The following LRRC4C variants were observed in gnomAD, a reference collection of about 807,000 sequenced individuals.
LRRC4C encodes the protein leucine-rich repeat-containing protein 4C.
Under a neutral mutation model 33.6 loss-of-function variants are expected in LRRC4C, and 5 were observed. The observed-to-expected ratio is 0.15, with a 90% confidence interval of 0.08 to 0.31. The LOEUF (loss-of-function observed/expected upper bound fraction) is 0.31. Among genes scored for constraint, LRRC4C ranks in the 10% least tolerant of loss-of-function variants. The probability of loss-of-function intolerance (pLI) is 1.00; values close to 1 mark genes in which losing one functional copy is unlikely to be tolerated. For missense variants in LRRC4C, 560 were observed against 796.7 expected, an observed-to-expected ratio of 0.70 and a Z score of 3.58; for synonymous variants, 329 against 302.0, an observed-to-expected ratio of 1.09 and a Z score of -0.93.
At chr11:41,258,949 G>A (rs1948888872) in intron 1 of LRRC4C, among the ~76,000 whole-genome samples, 1 of 151,830 alleles carries the variant, frequency 6.6e-6, no homozygotes, top group African/African-American at 2.4e-5. Context: ...CTTTTTGCTG[G>A]GGGTTGTAAA....
At chr11:40,462,821 C>A (rs1952464216) in intron 3 of LRRC4C, among the ~76,000 whole-genome samples, 1 of 152,004 alleles carries the variant, frequency 6.6e-6, no homozygotes. Context: ...TCTTTTTTAT[C>A]CCATCATTTT....
intron 5 of LRRC4C, among the ~76,000 whole-genome samples, chr11:40,233,130 TATAC>T (rs1296978885): frequency 6.6e-6 from 1 of 152,204 alleles, no homozygotes; most frequent in South Asian, 2.1e-4. Flanking sequence ...GACCTTTAAA[TATAC>T]TGTTGCATCG....
intron 3 of LRRC4C, among the ~76,000 whole-genome samples, chr11:40,419,074 A>T (rs1950431564): frequency 6.6e-6 from 1 of 152,096 alleles, no homozygotes; most frequent in Admixed American, 6.6e-5. Flanking sequence ...CCAACATGGC[A>T]CACATTTACC....
At chr11:41,230,466 G>A (rs182487423) in intron 1 of LRRC4C, among the ~76,000 whole-genome samples, 39 of 152,006 alleles carry the variant, frequency 2.6e-4, no homozygotes, top group Middle Eastern at 6.8e-3. Context: ...TTACCATTAC[G>A]GATGCCTTAA....
At chr11:40,931,185 T>C (rs189677718) in intron 2 of LRRC4C, among the ~76,000 whole-genome samples, 96 of 152,202 alleles carry the variant, frequency 6.3e-4, no homozygotes, top group Non-Finnish European at 1.2e-3. Flanking sequence ...AGAATCCAAT[T>C]TTGAGTTTGC....
chr11:40,773,106 G>A (rs1183825204), intron 2 of LRRC4C, among the ~76,000 whole-genome samples: 1 of 152,094 alleles, frequency 6.6e-6, no homozygotes, highest in Non-Finnish European at 1.5e-5. Flanking sequence ...GGCACAGAAA[G>A]ACAAAATTTG....
At chr11:40,506,956 T>C (rs1565456731) in intron 3 of LRRC4C, among the ~76,000 whole-genome samples, 1 of 152,086 alleles carries the variant, frequency 6.6e-6, no homozygotes, top group Admixed American at 6.6e-5. Context: ...AACACACACA[T>C]AAAACATACA....
intron 3 of LRRC4C, among the ~76,000 whole-genome samples, chr11:40,618,766 T>C (rs1962132712): frequency 6.6e-6 from 1 of 151,746 alleles, no homozygotes; most frequent in African/African-American, 2.4e-5. Context: ...TGAATCAATT[T>C]TGGGTTGTAA....
intron 1 of LRRC4C, among the ~76,000 whole-genome samples, chr11:41,050,560 G>A (rs543928862): frequency 6.6e-6 from 1 of 152,048 alleles, no homozygotes; most frequent in Non-Finnish European, 1.5e-5. Flanking sequence ...TTCTGTTCCT[G>A]TGTTAGTTTG....
chr11:41,218,180 C>T (rs1947145698), intron 1 of LRRC4C, among the ~76,000 whole-genome samples: 1 of 151,782 alleles, frequency 6.6e-6, no homozygotes, highest in African/African-American at 2.4e-5. Context: ...TTACTTCACC[C>T]ATATCTAACA....
chr11:40,910,744 G>A (rs1013350936), intron 2 of LRRC4C, among the ~76,000 whole-genome samples: 3 of 152,308 alleles, frequency 2.0e-5, no homozygotes, highest in South Asian at 2.1e-4. Flanking sequence ...GGAGCAAGGC[G>A]AGGCATCACC....
intron 3 of LRRC4C, among the ~76,000 whole-genome samples, chr11:40,430,562 G>A (rs943121617): frequency 6.6e-6 from 1 of 152,186 alleles, no homozygotes; most frequent in Admixed American, 6.5e-5. Context: ...TCTTCCTAAA[G>A]GAATAGAAAG....
chr11:40,440,082 T>G (rs1294141455), intron 3 of LRRC4C, among the ~76,000 whole-genome samples: 1 of 152,248 alleles, frequency 6.6e-6, no homozygotes, highest in Non-Finnish European at 1.5e-5. Flanking sequence ...AATTATTTAC[T>G]GTGTGGATCT....
chr11:41,071,181 C>G (rs1428384724), intron 1 of LRRC4C, among the ~76,000 whole-genome samples: 1 of 152,046 alleles, frequency 6.6e-6, no homozygotes, highest in Non-Finnish European at 1.5e-5. Context: ...TGTTCTCACT[C>G]ATGTTAGAGT....
At chr11:40,751,129 A>G (rs1411257819) in intron 2 of LRRC4C, among the ~76,000 whole-genome samples, 1 of 152,172 alleles carries the variant, frequency 6.6e-6, no homozygotes, top group East Asian at 1.9e-4. Flanking sequence ...TAAATAATAA[A>G]GGCTATATAT....
At chr11:40,935,498 T>A (rs1022631596) in intron 1 of LRRC4C, among the ~76,000 whole-genome samples, 1 of 152,158 alleles carries the variant, frequency 6.6e-6, no homozygotes, top group African/African-American at 2.4e-5. Flanking sequence ...ACCCTTTCTA[T>A]GTTTAGGTAT....
intron 5 of LRRC4C, among the ~76,000 whole-genome samples, chr11:40,165,724 T>C (rs1017760509): frequency 1.3e-5 from 2 of 152,178 alleles, no homozygotes; most frequent in African/African-American, 4.8e-5. Flanking sequence ...GGTGGGTGGA[T>C]CACCTGAGGT....
intron 4 of LRRC4C, among the ~76,000 whole-genome samples, chr11:40,314,161 A>G (rs189423936): frequency 6.6e-6 from 1 of 152,244 alleles, no homozygotes; most frequent in African/African-American, 2.4e-5. Context: ...TGACAGCAAA[A>G]AATAAAAAAT....
intron 5 of LRRC4C, among the ~76,000 whole-genome samples, chr11:40,151,813 T>A (rs1292803916): frequency 6.6e-6 from 1 of 152,160 alleles, no homozygotes; most frequent in Non-Finnish European, 1.5e-5. Flanking sequence ...CCTCTGTGAG[T>A]TGTTCCCAGA....
Sources: gnomAD v4.1 joint callset for allele counts (sites outside exome capture counted in the v4.1 genomes callset) on GRCh38, gnomAD v4.1.1 for gene constraint, MANE v1.5 for transcripts, NCBI Gene and HGNC (gene_info 2026-07-23, HGNC 2026-07-21) for gene names.